SGIP1: variants seen among roughly 807,000 people sequenced by gnomAD.
The protein encoded by SGIP1 is SH3GL interacting endocytic adaptor 1, also known as SH3-containing GRB2-like protein 3-interacting protein 1.
A neutral mutation model predicts 107.5 loss-of-function variants in SGIP1; 38 were observed. The ratio of observed to expected loss-of-function variants is 0.35; its 90% CI spans 0.27 to 0.46. SGIP1 has a LOEUF of 0.46. Among genes scored for constraint, SGIP1 ranks in the 20% least tolerant of loss-of-function variants. The probability of loss-of-function intolerance (pLI) is 1.00; values close to 1 mark genes in which losing one functional copy is unlikely to be tolerated. For synonymous variants in SGIP1, 365 were observed against 366.1 expected, an observed-to-expected ratio of 1.00 and a Z score of 0.03; for missense variants, 929 against 1,019.5, an observed-to-expected ratio of 0.91 and a Z score of 1.21.
rs2094441276 is a variant in SGIP1, at chr1:66,741,348, A to G, written c.2376A>G (p.Thr792=). The change falls in exon 24 of 25, where the codon ACA becomes ACG. Residue 792 remains threonine (T), a synonymous_variant. Coordinates refer to ENST00000371037, the MANE Select transcript of SGIP1 (RefSeq NM_032291.4). ...SKPSPLVVQF[T]SEGSTLSGCD... is the part of the protein sequence containing the mutation. ...CTTCTCCATTGGTTGTGCAGTTCACAAGTGAAGGAAGCACCCTTTCTGGCT... is the reference window on the plus strand; with the variant it reads ...CTTCTCCATTGGTTGTGCAGTTCACGAGTGAAGGAAGCACCCTTTCTGGCT... 6.2e-7 allele frequency: 1 copy of G among 1,611,946 alleles called. No individual in the cohort carries two copies. The highest frequency in any genetic ancestry group is 1.3e-5 in the African/African-American group (1 of 74,830).
chr1:66,731,233 G>C (rs2093995564), intron 20 of SGIP1, among the ~76,000 whole-genome samples: 1 of 152,124 alleles, frequency 6.6e-6, no homozygotes, highest in Non-Finnish European at 1.5e-5. Flanking sequence ...TCTTGCTTCA[G>C]TTTCCCTCCA....
rs1288243851 is a variant in SGIP1, at chr1:66,748,175, T to G, written c.*5080T>G. The G allele has an allele frequency of 2.0e-5, 3 of 151,962 alleles. No homozygotes were observed. Among genetic ancestry groups the G allele is most frequent in the African/African-American group, 7.2e-5 (3 of 41,436 alleles). The allele number at this position is 151,962 out of a possible 1,614,324, so 9.4% of individuals were successfully genotyped here. Reference sequence around the variant, plus strand: ...TGTGGAAAACAGTATCTAAATGCCATTCTCTCACTTATGAATTAAATATGG... The same window carrying G: ...TGTGGAAAACAGTATCTAAATGCCAGTCTCTCACTTATGAATTAAATATGG... On this transcript the variant is annotated 3_prime_UTR_variant, in exon 25 of 25. Coordinates refer to ENST00000371037, the MANE Select transcript of SGIP1 (RefSeq NM_032291.4).
chr1:66,615,333 G>A (rs189003902), intron 1 of SGIP1, among the ~76,000 whole-genome samples: 6 of 151,348 alleles, frequency 4.0e-5, no homozygotes, highest in African/African-American at 9.7e-5. Flanking sequence ...GGATTTCACC[G>A]TTTTGGCCAA....
At chr1:66,571,390 T>C (rs1423497713) in intron 1 of SGIP1, among the ~76,000 whole-genome samples, 1 of 151,964 alleles carries the variant, frequency 6.6e-6, no homozygotes, top group Non-Finnish European at 1.5e-5. Context: ...TAAAAAGATA[T>C]GAGACATATG....
chr1:66,628,156 A>AT (rs2073384386), intron 2 of SGIP1, among the ~76,000 whole-genome samples: 2 of 152,166 alleles, frequency 1.3e-5, no homozygotes, highest in Admixed American at 6.5e-5. Flanking sequence ...ATTGTTAGAC[A>AT]TTTGGGTTGA....
chr1:66,660,544 C>T lies in SGIP1; in HGVS notation c.471+20C>T, dbSNP rs573297208. ...AGTCCGGTAAGAAATAAGTCCTTCC[C>T]GCTTTTGGGGCAAACATTATTTATT... On this transcript the variant is annotated intron_variant, in intron 8 of 24. Transcript: ENST00000371037. The T allele has an allele frequency of 5.0e-6, 8 of 1,604,298 alleles. No homozygotes were observed. Among genetic ancestry groups the T allele is most frequent in the East Asian group, 2.2e-5 (1 of 44,788 alleles).
chr1:66,689,031 G>A (rs1239616462), intron 15 of SGIP1, 117 bp from the exon 16 acceptor site: 4 of 1,202,112 alleles, frequency 3.3e-6, no homozygotes, highest in African/African-American at 1.6e-5. Context: ...AGTGTTTAGT[G>A]TAGTAACTGC....
At chr1:66,700,350 G>A (rs1266950753) in intron 18 of SGIP1, among the ~76,000 whole-genome samples, 2 of 133,236 alleles carry the variant, frequency 1.5e-5, no homozygotes, top group African/African-American at 2.8e-5. Flanking sequence ...CAGCCTGGGT[G>A]ACAGGGTGAG....
At chr1:66,722,465 T>C (rs1483737608) in intron 19 of SGIP1, among the ~76,000 whole-genome samples, 1 of 152,206 alleles carries the variant, frequency 6.6e-6, no homozygotes, top group Non-Finnish European at 1.5e-5. Flanking sequence ...TTTGCCTGTT[T>C]GGTTCACTGT....
intron 18 of SGIP1, among the ~76,000 whole-genome samples, chr1:66,699,971 G>A (rs2091629962): frequency 6.6e-6 from 1 of 152,182 alleles, no homozygotes; most frequent in South Asian, 2.1e-4. Flanking sequence ...TATTTACCAT[G>A]TGTAAAGCAG....
chr1:66,748,899 A>ATT lies in SGIP1; in HGVS notation c.*5809_*5810dup, dbSNP rs142774668. The stretch of plus-strand genomic sequence containing the variant: ...AAAGTTATTGAATCAGGTAAAAAAA[A>ATT]TTTTTTCTAAGCACACCTTGAGAAA... On this transcript the variant is annotated 3_prime_UTR_variant, in exon 25 of 25. Coordinates refer to ENST00000371037, the MANE Select transcript of SGIP1 (RefSeq NM_032291.4). 6.6e-6 allele frequency among the ~76,000 whole-genome samples: 1 copy of ATT among 152,004 alleles called. No homozygotes were observed. Among genetic ancestry groups the ATT allele is most frequent in the African/African-American group, 2.4e-5 (1 of 41,528 alleles).
At chr1:66,662,729 T>C (rs948062679) in intron 8 of SGIP1, among the ~76,000 whole-genome samples, 2 of 152,178 alleles carry the variant, frequency 1.3e-5, no homozygotes, top group African/African-American at 4.8e-5. Context: ...TATCTCTAAG[T>C]TGAACACCAA....
intron 1 of SGIP1, among the ~76,000 whole-genome samples, chr1:66,601,405 T>C (rs1297250406): frequency 6.6e-6 from 1 of 151,782 alleles, no homozygotes; most frequent in Admixed American, 6.6e-5. Context: ...ACAAAAGAAG[T>C]AAAAAGATTC....
rs2094602741 is a variant in SGIP1, at chr1:66,750,017, TTCTC to T, written c.*6924_*6927del. ...ATATTCTCTCTCTCTCTCTCTCTCTTTCTCTGTGTGTGTGTGGGGGTGTGTGTGT... is the reference window on the plus strand; with the variant it reads ...ATATTCTCTCTCTCTCTCTCTCTCTTTGTGTGTGTGTGGGGGTGTGTGTGT... On this transcript the variant is annotated 3_prime_UTR_variant, in exon 25 of 25. Coordinates refer to ENST00000371037, the MANE Select transcript of SGIP1 (RefSeq NM_032291.4). Among the ~76,000 whole-genome samples the T allele has an allele frequency of 1.0e-5, 1 of 96,154 alleles. No individual in the cohort carries two copies. Among genetic ancestry groups the T allele is most frequent in the South Asian group, 3.0e-4 (1 of 3,324 alleles). 63.1% of individuals were successfully genotyped at this position (96,154 alleles called of 152,430 possible).
chr1:66,615,284 G>A (rs116454256), intron 1 of SGIP1, among the ~76,000 whole-genome samples: 2,454 of 152,006 alleles, frequency 0.016, 21 homozygotes, highest in Non-Finnish European at 0.026. Context: ...ACAGGCATGC[G>A]CCCTACTCCA....
intron 1 of SGIP1, among the ~76,000 whole-genome samples, chr1:66,559,730 C>T (rs1272309842): frequency 1.3e-5 from 2 of 152,016 alleles, no homozygotes; most frequent in South Asian, 4.1e-4. Flanking sequence ...CTGTTTAGAA[C>T]CCAGACACAT....
chr1:66,544,867 C>G (rs1026815274), intron 1 of SGIP1, among the ~76,000 whole-genome samples: 1 of 152,134 alleles, frequency 6.6e-6, no homozygotes, highest in Non-Finnish European at 1.5e-5. Flanking sequence ...GAACCTTACT[C>G]CTGTGCTATT....
intron 17 of SGIP1, among the ~76,000 whole-genome samples, chr1:66,693,883 A>G (rs1188976894): frequency 6.6e-6 from 1 of 152,256 alleles, no homozygotes; most frequent in African/African-American, 2.4e-5. Flanking sequence ...GGTGCAAGGC[A>G]AATTGAATTT....
intron 20 of SGIP1, among the ~76,000 whole-genome samples, chr1:66,730,256 A>G (rs144293349): frequency 6.6e-6 from 1 of 152,238 alleles, no homozygotes; most frequent in African/African-American, 2.4e-5. Flanking sequence ...AAACTTATGC[A>G]AATATGTTTA....
Sources: allele counts gnomAD v4.1 joint callset (sites outside exome capture counted in the v4.1 genomes callset), GRCh38; gene constraint gnomAD v4.1.1; transcripts MANE v1.5; gene names NCBI Gene and HGNC (gene_info 2026-07-23, HGNC 2026-07-21).